Variants in ADCY9 observed in about 807,000 individuals in gnomAD.
The protein encoded by ADCY9 is adenylate cyclase 9.
Under a neutral mutation model 101.5 loss-of-function variants are expected in ADCY9, and 50 were observed. The observed-to-expected ratio is 0.49, with a 90% confidence interval of 0.39 to 0.62. The LOEUF is 0.62. ADCY9 is among the 20% of genes least tolerant of loss of function. The pLI, the probability that ADCY9 is intolerant of heterozygous loss-of-function variation, is 0.00. For missense variants in ADCY9, 1,662 were observed against 1,800.4 expected (o/e 0.92, Z 1.39); for synonymous variants, 905 against 769.3 (o/e 1.18, Z -2.92).
chr16:3,991,261 G>A (rs895333423), intron 5 of ADCY9, among the ~76,000 whole-genome samples: 31 of 152,160 alleles, frequency 2.0e-4, no homozygotes, highest in Non-Finnish European at 8.8e-5. Context: ...AACCCTAGAT[G>A]AGACAACCCG....
chr16:4,021,677 T>C (rs1161005794), intron 2 of ADCY9, among the ~76,000 whole-genome samples: 1 of 152,218 alleles, frequency 6.6e-6, no homozygotes, highest in African/African-American at 2.4e-5. Context: ...CTGACACAAA[T>C]GGAGGTGACA....
chr16:4,107,276 C>T (rs1475577322), intron 2 of ADCY9, among the ~76,000 whole-genome samples: 5 of 152,136 alleles, frequency 3.3e-5, no homozygotes, highest in East Asian at 3.9e-4. Context: ...CAAGGCTGGG[C>T]GTGGTGGCTC....
intron 2 of ADCY9, among the ~76,000 whole-genome samples, chr16:4,106,975 A>C (rs943198306): frequency 1.9e-4 from 29 of 152,236 alleles, no homozygotes; most frequent in African/African-American, 6.3e-4. Flanking sequence ...TTCCTTCTTC[A>C]TCCCATTGGC....
At chr16:4,062,065 T>A (rs891866604) in intron 2 of ADCY9, among the ~76,000 whole-genome samples, 1 of 152,218 alleles carries the variant, frequency 6.6e-6, no homozygotes, top group African/African-American at 2.4e-5. Flanking sequence ...ATGCCTGTAA[T>A]CCCAGCACTT....
chr16:4,056,110 G>A (rs566596755), intron 2 of ADCY9, among the ~76,000 whole-genome samples: 2 of 152,302 alleles, frequency 1.3e-5, no homozygotes, highest in African/African-American at 4.8e-5. Flanking sequence ...CTCCCCGCAA[G>A]GAGGTTGTCT....
chr16:4,036,462 G>T (rs56874372), intron 2 of ADCY9, among the ~76,000 whole-genome samples: 3,108 of 103,638 alleles, frequency 0.03, 186 homozygotes, highest in African/African-American at 0.11. Flanking sequence ...GGGTTTGTTT[G>T]TTTTTTTTTT....
intron 2 of ADCY9, among the ~76,000 whole-genome samples, chr16:4,050,445 G>A (rs2056693615): frequency 6.6e-6 from 1 of 151,910 alleles, no homozygotes; most frequent in African/African-American, 2.4e-5. Context: ...CAGGCGCGGT[G>A]GCTCATGCCT....
intron 2 of ADCY9, among the ~76,000 whole-genome samples, chr16:4,064,288 A>G (rs1324465143): frequency 2.0e-5 from 3 of 152,238 alleles, no homozygotes; most frequent in African/African-American, 7.2e-5. Context: ...TGAAGGACTC[A>G]GTATTGTTAA....
At chr16:3,979,355 C>T (rs1363116174) in intron 7 of ADCY9, 80 bp from the exon 8 acceptor site, 2 of 1,505,302 alleles carry the variant, frequency 1.3e-6, no homozygotes, top group Admixed American at 1.8e-5. Flanking sequence ...GAGGCCGCAG[C>T]CAGCGCCGCC....
chr16:3,965,722 A>T lies in ADCY9; in HGVS notation c.*53T>A, dbSNP rs550296597. On this transcript the variant is annotated 3_prime_UTR_variant, in exon 11 of 11. Coordinates refer to ENST00000294016, the MANE Select transcript of ADCY9 (RefSeq NM_001116.4). ...TGGAAAGCACAACAGCCAAATACAA[A>T]TATTACTGTGTTTCGACAAACAGAG... 62 of 1,526,332 alleles carry T rather than the reference A, an allele frequency of 4.1e-5. 1 individual carries two copies. In the South Asian group the frequency reaches 7.2e-4, roughly 18 times the overall value. The allele number at this position is 1,526,332 out of a possible 1,614,324, so 94.5% of individuals were successfully genotyped here.
chr16:4,056,076 G>C (rs968376021), intron 2 of ADCY9, among the ~76,000 whole-genome samples: 1 of 152,142 alleles, frequency 6.6e-6, no homozygotes. Context: ...GGTGTTGTGC[G>C]ATACAGAACC....
At chr16:4,097,056 A>G (rs2057007934) in intron 2 of ADCY9, among the ~76,000 whole-genome samples, 1 of 152,160 alleles carries the variant, frequency 6.6e-6, no homozygotes, top group Non-Finnish European at 1.5e-5. Flanking sequence ...TAAGATAAAT[A>G]TACTTCTTGA....
chr16:4,057,138 A>G (rs1202337541), intron 2 of ADCY9, among the ~76,000 whole-genome samples: 1 of 150,096 alleles, frequency 6.7e-6, no homozygotes, highest in African/African-American at 2.5e-5. Context: ...AAAATCTACA[A>G]TTGTTTAGGT....
intron 5 of ADCY9, among the ~76,000 whole-genome samples, chr16:3,991,763 T>A (rs1222941475): frequency 3.6e-4 from 33 of 91,412 alleles, no homozygotes; most frequent in African/African-American, 8.6e-4. Flanking sequence ...CTAGTCCTTA[T>A]AAAAAAAAAA....
At chr16:4,042,000 T>G (rs1328513760) in intron 2 of ADCY9, among the ~76,000 whole-genome samples, 1 of 143,020 alleles carries the variant, frequency 7.0e-6, no homozygotes, top group Non-Finnish European at 1.5e-5. Context: ...TTCGACTCAC[T>G]GCAACCTCTG....
intron 3 of ADCY9, among the ~76,000 whole-genome samples, chr16:3,999,056 T>C (rs1309884008): frequency 6.6e-6 from 1 of 152,106 alleles, no homozygotes. Flanking sequence ...TGTGAAATGT[T>C]TCCCAGCCGG....
chr16:4,097,539 ATATATATATATATATTTT>A (rs1457972020), intron 2 of ADCY9, among the ~76,000 whole-genome samples: 1 of 47,014 alleles, frequency 2.1e-5, no homozygotes, highest in African/African-American at 1.3e-4. Flanking sequence ...ATATATATAT[ATATATATATATATATTTT>A]TTTTTTTTTT....
intron 6 of ADCY9, chr16:3,983,919 C>A: frequency 6.4e-6 from 1 of 155,132 alleles, no homozygotes; most frequent in South Asian, 2.0e-4. Flanking sequence ...AGCGAGACCC[C>A]GTCTACCAAA....
intron 2 of ADCY9, among the ~76,000 whole-genome samples, chr16:4,104,130 A>G (rs1038860315): frequency 1.2e-4 from 19 of 152,322 alleles, no homozygotes; most frequent in African/African-American, 2.4e-5. Context: ...TGGGAATATG[A>G]ATGAGTCTGT....
Sources: gnomAD v4.1 joint callset for allele counts (sites outside exome capture counted in the v4.1 genomes callset) on GRCh38, gnomAD v4.1.1 for gene constraint, MANE v1.5 for transcripts, NCBI Gene and HGNC (gene_info 2026-07-23, HGNC 2026-07-21) for gene names.